ZP2: variants seen among roughly 807,000 people sequenced by gnomAD.
The protein encoded by ZP2 is zona pellucida glycoprotein 2, also known as zona pellucida sperm-binding protein 2.
In ZP2, 51 loss-of-function variants were observed where a neutral mutation model predicts 84.0. The observed-to-expected ratio is 0.61, with a 90% CI of 0.49 to 0.77. The LOEUF (loss-of-function observed/expected upper bound fraction) is 0.77. Among genes scored for constraint, ZP2 ranks in the 30% least tolerant of loss-of-function variants. The probability of loss-of-function intolerance (pLI) is 0.00; values close to 1 mark genes in which losing one functional copy is unlikely to be tolerated. For missense variants in ZP2, 909 were observed against 911.9 expected (o/e 1.00, Z 0.04); for synonymous variants, 375 against 330.9 (o/e 1.13, Z -1.45).
At chr16:21,208,105 T>C (rs1294295005) in intron 4 of ZP2, among the ~76,000 whole-genome samples, 1 of 151,774 alleles carries the variant, frequency 6.6e-6, no homozygotes, top group African/African-American at 2.4e-5. Flanking sequence ...TAGCCCCAAC[T>C]AGTTGGGAGG....
chr16:21,207,986 G>A (rs1469354265), intron 4 of ZP2, among the ~76,000 whole-genome samples: 1 of 152,136 alleles, frequency 6.6e-6, no homozygotes, highest in East Asian at 1.9e-4. Flanking sequence ...TTGGAAGGCT[G>A]AGGTGGGAGG....
At position 21,203,229 on chromosome 16, in the gene ZP2, T is replaced by C. The variant is rs1327445444; in HGVS notation, c.995A>G (p.His332Arg). 6.2e-7 allele frequency: 1 copy of C among 1,613,784 alleles called. No individual in the cohort carries two copies. Among genetic ancestry groups the C allele is most frequent in the South Asian group, 1.1e-5 (1 of 91,044 alleles). Residue 332 changes from histidine to arginine, a missense_variant, in exon 10 of 19, where the codon CAT (histidine) becomes CGT (arginine). Coordinates refer to ENST00000574091, the MANE Select transcript of ZP2 (RefSeq NM_001376232.1). Reference sequence around the variant, plus strand: ...CTTGAGTGAAGCTAAGTAGAACTGATGGAGTAGGCATTTTTCAGATAACTG... The same window carrying C: ...CTTGAGTGAAGCTAAGTAGAACTGACGGAGTAGGCATTTTTCAGATAACTG... The part of the protein sequence containing the change: ...KTKLSEKCLL[H>R]QFYLASLKLT...
intron 7 of ZP2, 42 bp downstream of exon 7, chr16:21,205,378 G>A: frequency 6.2e-7 from 1 of 1,603,198 alleles, no homozygotes; most frequent in Non-Finnish European, 8.5e-7. Context: ...TAGGAATACT[G>A]GCCTGTGCTT....
At chr16:21,211,264 T>G in intron 2 of ZP2, 43 bp downstream of exon 2, 1 of 1,584,868 alleles carries the variant, frequency 6.3e-7, no homozygotes, top group East Asian at 2.2e-5. Flanking sequence ...AGCTGCAACC[T>G]GTTTTCTCTG....
At chr16:21,211,721 TTGCGCC>T, upstream of ZP2, 14 of 1,505,622 alleles carry the variant, frequency 9.3e-6, no homozygotes, top group Non-Finnish European at 1.2e-5. Flanking sequence ...TCCTGACAGC[TTGCGCC>T]GGGTATTCTG....
rs2093206416 is a variant in ZP2, at chr16:21,197,799, T to C, written c.2062A>G (p.Arg688Gly). 6.2e-7 allele frequency: 1 copy of C among 1,614,210 alleles called. No homozygotes were observed. Among genetic ancestry groups the C allele is most frequent in the Non-Finnish European group, 8.5e-7 (1 of 1,180,016 alleles). The change falls in exon 18 of 19, where the codon AGG (arginine) becomes GGG (glycine). Residue 688 changes from arginine (R) to glycine (G), a missense_variant. Physicochemically the swap from Arg to Gly is moderately radical, Grantham distance 125 (BLOSUM62 -2). Coordinates refer to ENST00000574091, the MANE Select transcript of ZP2 (RefSeq NM_001376232.1). Reference sequence around the variant, plus strand: ...CCAACCTCCTCCCCTGTTTCACTCCTACTCTTCTCCCCACTGCTCCCACTT... The same window carrying C: ...CCAACCTCCTCCCCTGTTTCACTCCCACTCTTCTCCCCACTGCTCCCACTT... ...KASGSSGEKS[R>G]SETGEEVGSR...
chr16:21,199,508 T>G, intron 16 of ZP2, 62 bp downstream of exon 16: 1 of 1,380,880 alleles, frequency 7.2e-7, no homozygotes, highest in Non-Finnish European at 9.8e-7. Context: ...AGATCTTCTA[T>G]TCTAAAAAGT....
intron 16 of ZP2, 40 bp from the exon 17 acceptor site, chr16:21,198,902 T>TC (rs1159182477): frequency 7.7e-6 from 12 of 1,557,832 alleles, no homozygotes; most frequent in Non-Finnish European, 1.1e-5. Context: ...GCCTCTGGAA[T>TC]AGTGGTTCGA....
In ZP2 at chr16:21,210,314, C is replaced by G. The variant is rs188764759; in HGVS notation, c.152-122G>C. On this transcript the variant is annotated intron_variant, in intron 2 of 18. Transcript: ENST00000574091. ...TGAGGGAGGCAAGAATCGTCCCCTA[C>G]CCTGGGAGAGCTCACAAACAAGTGA... 7.2e-5 allele frequency: 53 copies of G among 731,080 alleles called. No homozygotes were observed. In the East Asian group the frequency reaches 1.2e-3, roughly 16 times the overall value. The allele number at this position is 731,080 out of a possible 1,614,324, so 45.3% of individuals were successfully genotyped here. A position where few individuals can be genotyped will look rare whatever the true frequency, so the allele number is the denominator to read the frequency against.
In ZP2 at chr16:21,209,993, G is replaced by C. The variant is rs957374509; in HGVS notation, c.235+116C>G. On this transcript the variant is annotated intron_variant, in intron 3 of 18. Transcript: ENST00000574091. ...AAATCAGGTATCCCCATGGCATCAT[G>C]GGAGTTGGATGCCGTTGCTGCAGGA... 23 of 916,236 alleles carry C rather than the reference G, an allele frequency of 2.5e-5. 1 individual carries two copies. The South Asian group carries it at 2.9e-4, about 12-fold the overall frequency. The allele number at this position is 916,236 out of a possible 1,614,324, so 56.8% of individuals were successfully genotyped here.
intron 10 of ZP2, among the ~76,000 whole-genome samples, chr16:21,202,567 T>C (rs1265111833): frequency 6.6e-6 from 1 of 152,188 alleles, no homozygotes; most frequent in Non-Finnish European, 1.5e-5. Context: ...GTGAGAATCC[T>C]GATGAAGGGC....
chr16:21,211,310 G>A lies in ZP2; in HGVS notation c.148C>T (p.Pro50Ser), dbSNP rs559249999. 1 of 1,613,978 alleles carries A rather than the reference G, an allele frequency of 6.2e-7. No homozygotes were observed. The highest frequency in any genetic ancestry group is 2.2e-5 in the East Asian group (1 of 44,888). The change falls in exon 2 of 19, where the codon CCA becomes TCA. Residue 50 changes from proline (P) to serine (S), a missense_variant. Physicochemically the swap from Pro to Ser is moderately conservative, Grantham distance 74. Transcript: ENST00000574091. ...DVSQLVNPAFPGTVTCDEREI... is the reference protein window; with the variant it reads ...DVSQLVNPAFSGTVTCDEREI... ...TTCTGTCACCCAAGAGACATACCTG[G>A]AAAGGCAGGATTTACCAACTGAGAA...
chr16:21,210,099 C>T lies in ZP2; in HGVS notation c.235+10G>A, dbSNP rs1195105877. ...ATCAGGACTATGAGGAGATAACACA[C>T]GTTACCTACCCACCACAGATGCATG... On this transcript the variant is annotated intron_variant, in intron 3 of 18. Coordinates refer to ENST00000574091, the MANE Select transcript of ZP2 (RefSeq NM_001376232.1). 4.3e-6 allele frequency: 7 copies of T among 1,610,824 alleles called. No individual in the cohort carries two copies. The highest frequency in any genetic ancestry group is 1.7e-5 in the Admixed American group (1 of 59,992).
At chr16:21,214,334 T>C (rs911883209), upstream of ZP2, 1 of 969,880 alleles carries the variant, frequency 1.0e-6, no homozygotes, top group Non-Finnish European at 1.2e-6. Context: ...AGCTACCATC[T>C]GTTCAGCAAC....
Position 21,202,265 on chromosome 16 carries a change from C to A in ZP2, c.1126G>T (p.Gly376Trp), listed in dbSNP as rs1168634821. 2 of 1,537,664 alleles carry A rather than the reference C, an allele frequency of 1.3e-6. No homozygotes were observed. The highest frequency in any genetic ancestry group is 2.3e-5 in the Admixed American group (1 of 43,974). Residue 376 changes from glycine to tryptophan, a missense_variant, in exon 11 of 19, where the codon GGG becomes TGG. By Grantham distance (184) the Gly-to-Trp change is radical. Transcript: ENST00000574091. ...CTGTAGACCTCGACGTCCATAAACC[C>A]ATCCTGGGTGCACAGCTCCCCTGTA... ...IVTGELCTQD[G>W]FMDVEVYSYQ...
Position 21,208,897 on chromosome 16 carries a change from A to G in ZP2, c.330+734T>C, listed in dbSNP as rs113824120. ...TACTCTCATCTTCTAATGGGCAAAC[A>G]GGCTTGAAAGGGCTCACTTGGTGGA... is the stretch of plus-strand genomic sequence containing the variant. On this transcript the variant is annotated intron_variant, in intron 4 of 18. Coordinates refer to ENST00000574091, the MANE Select transcript of ZP2 (RefSeq NM_001376232.1). Among the ~76,000 whole-genome samples, 509 of 152,306 alleles carry G rather than the reference A, an allele frequency of 3.3e-3. 1 individual carries two copies. Among genetic ancestry groups the G allele is most frequent in the African/African-American group, 0.011 (469 of 41,568 alleles).
chr16:21,203,526 A>G (rs1214032898), intron 9 of ZP2, among the ~76,000 whole-genome samples: 1 of 152,230 alleles, frequency 6.6e-6, no homozygotes, highest in African/African-American at 2.4e-5. Context: ...ATTCCAAAGA[A>G]TAGTGGAATC....
At chr16:21,201,253 C>T (rs184928558) in intron 14 of ZP2, 116 bp downstream of exon 14, 82 of 910,984 alleles carry the variant, frequency 9.0e-5, no homozygotes, top group Non-Finnish European at 1.2e-4. Context: ...AAAACAAGGA[C>T]TAAATCTGGA....
At chr16:21,203,072 C>T (rs2093233364) in intron 10 of ZP2, 53 bp downstream of exon 10, 2 of 1,589,932 alleles carry the variant, frequency 1.3e-6, no homozygotes, top group East Asian at 2.3e-5. Context: ...CCCACATGTA[C>T]AAGAGCCAAG....
Sources: allele counts gnomAD v4.1 joint callset (sites outside exome capture counted in the v4.1 genomes callset), GRCh38; gene constraint gnomAD v4.1.1; transcripts MANE v1.5; gene names NCBI Gene and HGNC (gene_info 2026-07-23, HGNC 2026-07-21).